PCSK6: variants seen among roughly 807,000 people sequenced by gnomAD.
PCSK6 encodes the protein proprotein convertase subtilisin/kexin type 6.
PCSK6 carries 85 observed loss-of-function variants against 123.3 expected under a neutral mutation model. The ratio of observed to expected loss-of-function variants is 0.69; its 90% CI spans 0.58 to 0.83. The LOEUF (loss-of-function observed/expected upper bound fraction) is 0.83, where lower values mean the gene tolerates loss of function less well. Ranked by LOEUF, PCSK6 falls within the 40% of genes least tolerant of loss-of-function variation. The probability of loss-of-function intolerance (pLI) is 0.00; values close to 1 mark genes in which losing one functional copy is unlikely to be tolerated. For synonymous variants in PCSK6, 508 were observed against 516.0 expected, an observed-to-expected ratio of 0.98 and a Z score of 0.21; for missense variants, 1,191 against 1,282.3, an observed-to-expected ratio of 0.93 and a Z score of 1.09.
chr15:101,459,519 C>A (rs2057288781), intron 1 of PCSK6, among the ~76,000 whole-genome samples: 1 of 143,636 alleles, frequency 7.0e-6, no homozygotes, highest in Non-Finnish European at 1.5e-5. Context: ...CGTCCCCCCA[C>A]CCTAAGTCCA....
At chr15:101,404,357 G>A (rs76080491) in intron 6 of PCSK6, among the ~76,000 whole-genome samples, 1,671 of 152,320 alleles carry the variant, frequency 0.011, 22 homozygotes, top group African/African-American at 0.037. Context: ...TCCTTTCTGG[G>A]TGGAGAGGAG....
intron 6 of PCSK6, among the ~76,000 whole-genome samples, chr15:101,410,094 G>C (rs773810108): frequency 2.0e-5 from 3 of 152,190 alleles, no homozygotes; most frequent in Non-Finnish European, 2.9e-5. Context: ...CACCATGCCT[G>C]GCTAATTTTT....
chr15:101,407,310 G>A (rs2042808695), intron 6 of PCSK6, among the ~76,000 whole-genome samples: 1 of 152,214 alleles, frequency 6.6e-6, no homozygotes, highest in African/African-American at 2.4e-5. Flanking sequence ...CCCTGGCCCT[G>A]GTACTGCGTC....
chr15:101,457,633 T>G (rs117996119), intron 1 of PCSK6, among the ~76,000 whole-genome samples: 1 of 152,322 alleles, frequency 6.6e-6, no homozygotes, highest in East Asian at 1.9e-4. Context: ...TCTTTATCAG[T>G]GGCCCCTGTG....
At chr15:101,488,409 G>T (rs370943476) in intron 1 of PCSK6, among the ~76,000 whole-genome samples, 5 of 152,188 alleles carry the variant, frequency 3.3e-5, no homozygotes, top group African/African-American at 1.2e-4. Context: ...GGGACCCGCC[G>T]GGAGGTCCTT....
At chr15:101,366,452 G>A (rs2041394565) in intron 12 of PCSK6, 120 bp from the exon 13 acceptor site, 1 of 1,020,446 alleles carries the variant, frequency 9.8e-7, no homozygotes, top group Admixed American at 3.0e-5. Flanking sequence ...TACCCCCAGG[G>A]TAGCGGGGGT....
intron 6 of PCSK6, among the ~76,000 whole-genome samples, chr15:101,418,734 A>G (rs2055978794): frequency 6.6e-6 from 1 of 152,084 alleles, no homozygotes; most frequent in South Asian, 2.1e-4. Context: ...GCCGGTCTCG[A>G]GCTCCCGACA....
chr15:101,430,427 C>A (rs2056411513), intron 4 of PCSK6, among the ~76,000 whole-genome samples: 1 of 152,200 alleles, frequency 6.6e-6, no homozygotes, highest in South Asian at 2.1e-4. Context: ...TTTGGCTACT[C>A]CGAGTCACTC....
chr15:101,347,834 A>C, intron 13 of PCSK6: 1 of 1,399,422 alleles, frequency 7.1e-7, no homozygotes, highest in South Asian at 1.2e-5. Context: ...TGGGAGGTGC[A>C]ATCCCAGGGC....
intron 11 of PCSK6, among the ~76,000 whole-genome samples, chr15:101,371,760 C>T (rs143061212): frequency 2.0e-4 from 31 of 152,350 alleles, no homozygotes; most frequent in African/African-American, 6.5e-4. Flanking sequence ...TGGAAGCTCG[C>T]GTGGACCCAC....
chr15:101,313,632 C>A, intron 19 of PCSK6, 127 bp from the exon 20 acceptor site: 1 of 1,407,012 alleles, frequency 7.1e-7, no homozygotes, highest in Non-Finnish European at 9.5e-7. Context: ...ACCACAGCTG[C>A]CATTTCCCAG....
rs1267762947 is a variant in PCSK6 at position 101,430,011 on chromosome 15, C to T, written c.710G>A (p.Arg237Gln). The T allele has an allele frequency of 4.3e-6, 7 of 1,613,808 alleles. No homozygotes were observed. The highest frequency in any genetic ancestry group is 5.9e-6 in the Non-Finnish European group (7 of 1,179,748). ...VNGNDYDPSPRYDASNENKHG... is the reference protein window; with the variant it reads ...VNGNDYDPSPQYDASNENKHG... ...CTTATTTTCATTGCTGGCATCATAT[C>T]GTGGAGATGGGTCATAATCATTGCC... The change falls in exon 5 of 22, where the codon CGA becomes CAA. Residue 237 changes from arginine to glutamine, a missense_variant. Transcript: ENST00000611716.
intron 9 of PCSK6, among the ~76,000 whole-genome samples, chr15:101,388,368 A>G (rs1027144167): frequency 2.0e-5 from 3 of 152,356 alleles, no homozygotes; most frequent in Non-Finnish European, 1.5e-5. Context: ...GAGTTATTTG[A>G]AAACTCATCT....
chr15:101,431,538 C>A, intron 3 of PCSK6, 75 bp from the exon 4 acceptor site: 3 of 1,579,456 alleles, frequency 1.9e-6, no homozygotes, highest in African/African-American at 2.7e-5. Flanking sequence ...GTGCACACCC[C>A]ACAGGGAGGC....
Position 101,405,927 on chromosome 15 carries a change from G to C in PCSK6, c.824-7351C>G, listed in dbSNP as rs560464804. 4.2e-3 allele frequency among the ~76,000 whole-genome samples: 633 copies of C among 152,258 alleles called. 4 individuals are homozygous for C. Among genetic ancestry groups the C allele is most frequent in the Middle Eastern group, 6.8e-3 (2 of 294 alleles). On this transcript the variant is annotated intron_variant, in intron 6 of 21. Transcript: ENST00000611716. ...CTGGCTAATTTTTATATTTTTAGTAGAGATGGGGCTTCGCCATGCTGGCCA... is the reference window on the plus strand; with the variant it reads ...CTGGCTAATTTTTATATTTTTAGTACAGATGGGGCTTCGCCATGCTGGCCA...
At chr15:101,360,000 T>A (rs1242294034) in intron 13 of PCSK6, among the ~76,000 whole-genome samples, 1 of 152,112 alleles carries the variant, frequency 6.6e-6, no homozygotes, top group Non-Finnish European at 1.5e-5. Context: ...CTTCCCCCCC[T>A]GCAATGTTCC....
chr15:101,321,824 G>A (rs1198092250), intron 18 of PCSK6, among the ~76,000 whole-genome samples: 2 of 152,224 alleles, frequency 1.3e-5, no homozygotes, highest in African/African-American at 4.8e-5. Flanking sequence ...CTTCCAGTGC[G>A]GACCATGGTG....
At chr15:101,361,395 C>G (rs2041218254) in intron 13 of PCSK6, among the ~76,000 whole-genome samples, 1 of 152,006 alleles carries the variant, frequency 6.6e-6, no homozygotes, top group Non-Finnish European at 1.5e-5. Context: ...TTCTCATCCC[C>G]TGCCTTTATG....
chr15:101,478,905 T>A (rs1293583682), intron 1 of PCSK6, among the ~76,000 whole-genome samples: 1 of 152,208 alleles, frequency 6.6e-6, no homozygotes, highest in Non-Finnish European at 1.5e-5. Context: ...GATAACAAGG[T>A]CAGCATTTTC....
Sources: allele counts gnomAD v4.1 joint callset (sites outside exome capture counted in the v4.1 genomes callset), GRCh38; gene constraint gnomAD v4.1.1; transcripts MANE v1.5; gene names NCBI Gene and HGNC (gene_info 2026-07-23, HGNC 2026-07-21).